CSMD3: variants seen among roughly 807,000 people sequenced by gnomAD.
CSMD3 encodes the protein CUB and Sushi multiple domains 3.
CSMD3 carries 177 observed loss-of-function variants against 435.2 expected under a neutral mutation model. The ratio of observed to expected loss-of-function variants is 0.41; its 90% CI spans 0.36 to 0.46. The LOEUF is 0.46. CSMD3 is among the 20% of genes least tolerant of loss of function. The probability of loss-of-function intolerance (pLI) is 0.34; values close to 1 mark genes in which losing one functional copy is unlikely to be tolerated. For missense variants in CSMD3, 4,265 were observed against 4,504.6 expected (o/e 0.95, Z 1.52); for synonymous variants, 1,656 against 1,520.5 (o/e 1.09, Z -2.07).
At chr8:113,059,255 T>C (rs2088491682) in intron 5 of CSMD3, among the ~76,000 whole-genome samples, 1 of 152,100 alleles carries the variant, frequency 6.6e-6, no homozygotes, top group Non-Finnish European at 1.5e-5. Context: ...CATCACTGCA[T>C]GAAACAAAGC....
chr8:113,410,988 AAAAG>A (rs376528952), intron 1 of CSMD3, among the ~76,000 whole-genome samples: 1,559 of 150,646 alleles, frequency 0.01, 21 homozygotes, highest in South Asian at 0.03. Flanking sequence ...GGAAGGAAGG[AAAAG>A]AAAGAAAGAA....
At position 112,484,883 on chromosome 8, in the gene CSMD3, G is replaced by A. The variant is rs908542492; in HGVS notation, c.5278+7606C>T. 3.9e-5 allele frequency among the ~76,000 whole-genome samples: 6 copies of A among 152,018 alleles called. 1 individual carries two copies. Among genetic ancestry groups the A allele is most frequent in the South Asian group, 4.2e-4 (2 of 4,812 alleles). On this transcript the variant is annotated intron_variant, in intron 31 of 70. Coordinates refer to ENST00000297405, the MANE Select transcript of CSMD3 (RefSeq NM_198123.2). ...TATAAATGCAAATATTCCAATATCC[G>A]AAAAAAATCTGAAATCGGAAAAACT...
chr8:113,386,058 C>T (rs994358414), intron 1 of CSMD3, among the ~76,000 whole-genome samples: 6 of 151,970 alleles, frequency 3.9e-5, no homozygotes, highest in Non-Finnish European at 7.4e-5. Flanking sequence ...ATCATTCTTA[C>T]TGTTCCTCTG....
At chr8:113,108,937 A>AT (rs1163677035) in intron 4 of CSMD3, among the ~76,000 whole-genome samples, 2 of 152,196 alleles carry the variant, frequency 1.3e-5, no homozygotes, top group East Asian at 1.9e-4. Flanking sequence ...TGACAAGCTG[A>AT]TTTTTTAATT....
At chr8:112,421,175 A>T (rs1377949847) in intron 32 of CSMD3, among the ~76,000 whole-genome samples, 1 of 149,914 alleles carries the variant, frequency 6.7e-6, no homozygotes, top group Non-Finnish European at 1.5e-5. Context: ...ATGTTTGCAC[A>T]TTTTTTTTTT....
intron 20 of CSMD3, among the ~76,000 whole-genome samples, chr8:112,639,639 TG>T (rs1396841538): frequency 1.3e-5 from 2 of 152,174 alleles, no homozygotes; most frequent in Non-Finnish European, 2.9e-5. Context: ...CTAATGTTGC[TG>T]CTTTGTATAT....
intron 50 of CSMD3, among the ~76,000 whole-genome samples, chr8:112,306,710 C>A (rs1821454674): frequency 6.6e-6 from 1 of 152,100 alleles, no homozygotes. Flanking sequence ...AATGTATGAG[C>A]TGGGGCACCA....
chr8:112,476,473 T>C (rs1166904778), intron 31 of CSMD3, among the ~76,000 whole-genome samples: 1 of 152,198 alleles, frequency 6.6e-6, no homozygotes, highest in East Asian at 1.9e-4. Context: ...GGGAATATCA[T>C]GCTATTTCTC....
chr8:112,494,460 TC>T (rs200286687), intron 30 of CSMD3, among the ~76,000 whole-genome samples: 20,047 of 138,174 alleles, frequency 0.15, 2,776 homozygotes, highest in Middle Eastern at 0.29. Flanking sequence ...TTTCTTTCTC[TC>T]CTTTCTCTTT....
At chr8:113,196,580 T>A (rs1422184132) in intron 3 of CSMD3, among the ~76,000 whole-genome samples, 1 of 151,244 alleles carries the variant, frequency 6.6e-6, no homozygotes, top group Admixed American at 6.6e-5. Flanking sequence ...AGGATTTTAT[T>A]TTTTAAATGT....
At chr8:112,701,771 G>A (rs982153029) in intron 13 of CSMD3, among the ~76,000 whole-genome samples, 2 of 152,104 alleles carry the variant, frequency 1.3e-5, no homozygotes, top group African/African-American at 2.4e-5. Flanking sequence ...TTTCCCATAA[G>A]CAACCTAAGT....
intron 58 of CSMD3, among the ~76,000 whole-genome samples, chr8:112,283,686 C>A (rs561258673): frequency 6.6e-6 from 1 of 151,462 alleles, no homozygotes; most frequent in Admixed American, 6.6e-5. Context: ...TTTACCTAAC[C>A]AATTCCCTGT....
At chr8:112,426,463 C>A (rs1813080547) in intron 32 of CSMD3, among the ~76,000 whole-genome samples, 1 of 152,072 alleles carries the variant, frequency 6.6e-6, no homozygotes, top group Admixed American at 6.6e-5. Flanking sequence ...GACTCTTCTT[C>A]CTGAAACCCA....
In CSMD3 at chr8:113,387,841, A is replaced by C. The variant is rs371150642; in HGVS notation, c.178+48836T>G. 3.6e-4 allele frequency among the ~76,000 whole-genome samples: 54 copies of C among 151,866 alleles called. 1 individual carries two copies. Among genetic ancestry groups the C allele is most frequent in the African/African-American group, 1.3e-3 (53 of 41,544 alleles). Reference sequence around the variant, plus strand: ...TAGTTCTTACTAAGTGTGGAAAACTAATCTAAATGTATTACTGTCATTTTC... The same window carrying C: ...TAGTTCTTACTAAGTGTGGAAAACTCATCTAAATGTATTACTGTCATTTTC... On this transcript the variant is annotated intron_variant, in intron 1 of 70. Coordinates refer to ENST00000297405, the MANE Select transcript of CSMD3 (RefSeq NM_198123.2).
At chr8:112,745,228 T>G (rs1229805808) in intron 13 of CSMD3, among the ~76,000 whole-genome samples, 1 of 152,026 alleles carries the variant, frequency 6.6e-6, no homozygotes, top group Non-Finnish European at 1.5e-5. Flanking sequence ...TATAGTAAGT[T>G]GTAATTGAGA....
At chr8:112,667,435 T>C (rs2131713667) in intron 16 of CSMD3, among the ~76,000 whole-genome samples, 1 of 152,334 alleles carries the variant, frequency 6.6e-6, no homozygotes, top group African/African-American at 2.4e-5. Flanking sequence ...GGATTTCATC[T>C]TAGTTTAAAA....
chr8:112,387,798 C>T (rs1219264465), intron 36 of CSMD3, among the ~76,000 whole-genome samples: 1 of 152,086 alleles, frequency 6.6e-6, no homozygotes, highest in African/African-American at 2.4e-5. Flanking sequence ...CTGCAAACAT[C>T]TTAGTAGTTC....
intron 10 of CSMD3, among the ~76,000 whole-genome samples, chr8:112,887,000 G>A (rs1307683288): frequency 2.6e-5 from 4 of 151,456 alleles, no homozygotes; most frequent in Non-Finnish European, 5.9e-5. Context: ...TGGACCTTGA[G>A]TGCATGGTCC....
chr8:113,392,376 G>C (rs2133159601), intron 1 of CSMD3, among the ~76,000 whole-genome samples: 1 of 152,198 alleles, frequency 6.6e-6, no homozygotes, highest in South Asian at 2.1e-4. Context: ...AATAATTATG[G>C]GGAAGTGGCT....
Sources: gnomAD v4.1 joint callset for allele counts (sites outside exome capture counted in the v4.1 genomes callset) on GRCh38, gnomAD v4.1.1 for gene constraint, MANE v1.5 for transcripts, NCBI Gene and HGNC (gene_info 2026-07-23, HGNC 2026-07-21) for gene names.